The following MAST4 variants were observed in gnomAD, a reference collection of about 807,000 sequenced individuals.
MAST4 encodes microtubule-associated serine/threonine-protein kinase 4.
A neutral mutation model predicts 162.7 loss-of-function variants in MAST4; 89 were observed. The ratio of observed to expected loss-of-function variants is 0.55; its 90% CI spans 0.46 to 0.65. The LOEUF (loss-of-function observed/expected upper bound fraction) is 0.65, where lower values mean the gene tolerates loss of function less well. Among genes scored for constraint, MAST4 ranks in the 30% least tolerant of loss-of-function variants. MAST4 has a pLI of 0.00. For missense variants in MAST4, 3,153 were observed against 3,374.0 expected, an observed-to-expected ratio of 0.93 and a Z score of 1.62; for synonymous variants, 1,479 against 1,361.1, an observed-to-expected ratio of 1.09 and a Z score of -1.91.
At chr5:66,894,030 A>G (rs761499531) in intron 3 of MAST4, among the ~76,000 whole-genome samples, 19 of 152,314 alleles carry the variant, frequency 1.2e-4, no homozygotes, top group Non-Finnish European at 4.4e-5. Context: ...TTTGTCAAGT[A>G]GTGAGAACTC....
rs1252789949 is a variant in MAST4, at chr5:66,837,907, T to A, written c.642+49113T>A. Among the ~76,000 whole-genome samples, 498 of 84,008 alleles carry A rather than the reference T, an allele frequency of 5.9e-3. 6 individuals are homozygous for A. The highest frequency in any genetic ancestry group is 0.016 in the African/African-American group (473 of 29,328). The allele number at this position is 84,008 out of a possible 152,430, so 55.1% of individuals were successfully genotyped here. On this transcript the variant is annotated intron_variant, in intron 3 of 28. Transcript: ENST00000403625. ...ATATATATATATATTTTTTTTTTTT[T>A]TTTTTTTTTTAATGTGGAGGTGTTT...
Position 67,090,145 on chromosome 5 carries a change from C to T in MAST4, c.764-17C>T, listed in dbSNP as rs1251529966. On this transcript the variant is annotated splice_polypyrimidine_tract_variant and intron_variant, in intron 5 of 28. Transcript: ENST00000403625. Reference sequence around the variant, plus strand: ...ACAAAATCATGTAGTAAATTTCTCTCTTTTCTCTTTCTCTAGGAAATAGCC... The same window carrying T: ...ACAAAATCATGTAGTAAATTTCTCTTTTTTCTCTTTCTCTAGGAAATAGCC... 17 of 1,572,984 alleles carry T rather than the reference C, an allele frequency of 1.1e-5. No homozygotes were observed. Among genetic ancestry groups the T allele is most frequent in the Non-Finnish European group, 1.5e-5 (17 of 1,144,562 alleles).
intron 4 of MAST4, among the ~76,000 whole-genome samples, chr5:66,910,552 T>C (rs571380573): frequency 6.6e-6 from 1 of 152,266 alleles, no homozygotes; most frequent in Admixed American, 6.5e-5. Flanking sequence ...ATTTTGACTC[T>C]TGAGATTTAA....
intron 4 of MAST4, among the ~76,000 whole-genome samples, chr5:67,041,101 C>T (rs1374185467): frequency 6.6e-6 from 1 of 152,126 alleles, no homozygotes; most frequent in African/African-American, 2.4e-5. Context: ...TTGGGCAGAC[C>T]TCTCCATGAA....
At chr5:66,754,503 A>AT (rs901463235) in intron 1 of MAST4, among the ~76,000 whole-genome samples, 4 of 152,180 alleles carry the variant, frequency 2.6e-5, no homozygotes, top group Admixed American at 6.5e-5. Flanking sequence ...ATTTTATTCT[A>AT]TTTTTTCAAT....
chr5:66,636,770 C>G (rs1287317585), intron 1 of MAST4, among the ~76,000 whole-genome samples: 1 of 152,168 alleles, frequency 6.6e-6, no homozygotes, highest in Non-Finnish European at 1.5e-5. Context: ...GTGCTACCTC[C>G]ACTTGGAGAT....
At chr5:66,761,063 C>T (rs1329664838) in intron 2 of MAST4, among the ~76,000 whole-genome samples, 1 of 152,136 alleles carries the variant, frequency 6.6e-6, no homozygotes, top group Non-Finnish European at 1.5e-5. Context: ...GCTGTGCGTT[C>T]TTGCTAACCT....
Position 66,922,550 on chromosome 5 carries a change from C to T in MAST4, c.674+22568C>T, listed in dbSNP as rs1271247611. Among the ~76,000 whole-genome samples the T allele has an allele frequency of 2.0e-5, 3 of 152,234 alleles. No individual in the cohort carries two copies. In the East Asian group the frequency reaches 5.8e-4, roughly 29 times the overall value. The stretch of plus-strand genomic sequence containing the variant: ...CAACCTCTTCTCCGTTTTCTGCTGT[C>T]ATTTCTGCTAAAAATGACAAAAATT... On this transcript the variant is annotated intron_variant, in intron 4 of 28. Coordinates refer to ENST00000403625, the MANE Select transcript of MAST4 (RefSeq NM_001164664.2).
chr5:67,156,838 C>T (rs1424877783), intron 26 of MAST4, among the ~76,000 whole-genome samples: 1 of 152,186 alleles, frequency 6.6e-6, no homozygotes, highest in Non-Finnish European at 1.5e-5. Context: ...CGGTGAGTTA[C>T]CCAGGGCCAA....
intron 9 of MAST4, among the ~76,000 whole-genome samples, 198 bp downstream of exon 9, chr5:67,102,809 T>G (rs1447733028): frequency 6.6e-6 from 1 of 152,202 alleles, no homozygotes; most frequent in Admixed American, 6.5e-5. Flanking sequence ...CTAGCTGTGC[T>G]CTACGTGTGC....
rs560152478 is a variant in MAST4 at position 66,748,255 on chromosome 5, A to G, written c.364-11454A>G. 9.5e-4 allele frequency among the ~76,000 whole-genome samples: 145 copies of G among 152,062 alleles called. 1 individual carries two copies. Among genetic ancestry groups the G allele is most frequent in the African/African-American group, 3.4e-3 (139 of 41,468 alleles). Reference sequence around the variant, plus strand: ...TGCCAACTGCTGTGTCCAGAGCAATACCTGGCACACAGCCGCTTAATAAAT... The same window carrying G: ...TGCCAACTGCTGTGTCCAGAGCAATGCCTGGCACACAGCCGCTTAATAAAT... On this transcript the variant is annotated intron_variant, in intron 1 of 28. Coordinates refer to ENST00000403625, the MANE Select transcript of MAST4 (RefSeq NM_001164664.2).
chr5:66,982,421 C>G (rs1748973786), intron 4 of MAST4, among the ~76,000 whole-genome samples: 1 of 152,008 alleles, frequency 6.6e-6, no homozygotes, highest in Admixed American at 6.6e-5. Context: ...CCATGACCTG[C>G]CTAACTAGGA....
intron 4 of MAST4, chr5:66,959,105 C>G (rs908968195): frequency 1.2e-5 from 8 of 664,600 alleles, no homozygotes; most frequent in South Asian, 8.2e-5. Flanking sequence ...TGGAAGGACC[C>G]AAACTTGCAG....
chr5:67,010,694 G>C (rs1752564698), intron 4 of MAST4, among the ~76,000 whole-genome samples: 1 of 152,172 alleles, frequency 6.6e-6, no homozygotes, highest in Non-Finnish European at 1.5e-5. Context: ...CCCTATAAAG[G>C]GAGGGGACCA....
intron 3 of MAST4, among the ~76,000 whole-genome samples, chr5:66,863,272 T>A (rs79729896): frequency 0.039 from 5,903 of 152,304 alleles, 209 homozygotes; most frequent in South Asian, 0.14. Context: ...GCTCAAATTG[T>A]TTGCCTCTTG....
intron 4 of MAST4, among the ~76,000 whole-genome samples, chr5:66,922,931 A>G (rs1455516645): frequency 1.3e-5 from 2 of 152,184 alleles, no homozygotes; most frequent in Admixed American, 6.5e-5. Context: ...TCTCCACTGT[A>G]TCTGTTAAGA....
intron 2 of MAST4, among the ~76,000 whole-genome samples, chr5:66,779,745 G>A (rs1055988275): frequency 7.9e-5 from 12 of 152,204 alleles, no homozygotes; most frequent in African/African-American, 2.9e-4. Flanking sequence ...GGGCAGAGAA[G>A]AAGAATCACT....
intron 5 of MAST4, among the ~76,000 whole-genome samples, chr5:67,080,559 T>A (rs954197587): frequency 6.6e-6 from 1 of 152,122 alleles, no homozygotes; most frequent in Admixed American, 6.6e-5. Context: ...CATGGATGCA[T>A]GTACAGAACA....
chr5:66,968,657 C>T (rs1193989930), intron 4 of MAST4, among the ~76,000 whole-genome samples: 1 of 152,202 alleles, frequency 6.6e-6, no homozygotes, highest in African/African-American at 2.4e-5. Flanking sequence ...CTGATGTTTT[C>T]ACCTGTGCTT....
Sources: allele counts gnomAD v4.1 joint callset (sites outside exome capture counted in the v4.1 genomes callset), GRCh38; gene constraint gnomAD v4.1.1; transcripts MANE v1.5; gene names NCBI Gene and HGNC (gene_info 2026-07-23, HGNC 2026-07-21).